The following KNTC1 variants were observed in gnomAD, a reference collection of about 807,000 sequenced individuals.
The protein encoded by KNTC1 is kinetochore associated 1.
A neutral mutation model predicts 314.4 loss-of-function variants in KNTC1; 253 were observed. The observed-to-expected ratio is 0.80, with a 90% CI of 0.73 to 0.89. The LOEUF (loss-of-function observed/expected upper bound fraction) is 0.89, where lower values mean the gene tolerates loss of function less well. Ranked by LOEUF, KNTC1 falls within the 40% of genes least tolerant of loss-of-function variation. KNTC1 has a pLI of 0.00. For synonymous variants in KNTC1, 901 were observed against 901.4 expected (o/e 1.00, Z 0.01); for missense variants, 2,475 against 2,572.9 (o/e 0.96, Z 0.82).
intron 1 of KNTC1, among the ~76,000 whole-genome samples, chr12:122,528,727 C>T (rs1463094969): frequency 1.3e-5 from 2 of 152,300 alleles, no homozygotes; most frequent in East Asian, 1.9e-4. Context: ...GAACATCTGC[C>T]TGTATACTTT....
At chr12:122,564,062 T>C (rs556216480) in intron 20 of KNTC1, among the ~76,000 whole-genome samples, 1 of 152,296 alleles carries the variant, frequency 6.6e-6, no homozygotes, top group Non-Finnish European at 1.5e-5. Flanking sequence ...ACTGCAACCT[T>C]TGCCTCTCAG....
At chr12:122,581,217 A>C (rs1395580056) in intron 33 of KNTC1, among the ~76,000 whole-genome samples, 1 of 103,936 alleles carries the variant, frequency 9.6e-6, no homozygotes, top group African/African-American at 3.5e-5. Flanking sequence ...TTTTTTTTTG[A>C]GATGGAGTTT....
At chr12:122,591,949 G>A (rs1015617391) in intron 42 of KNTC1, among the ~76,000 whole-genome samples, 24 of 152,220 alleles carry the variant, frequency 1.6e-4, no homozygotes, top group Non-Finnish European at 3.1e-4. Flanking sequence ...TCGGCCTGCC[G>A]CTGCACTGTG....
In KNTC1 at chr12:122,542,053, C is replaced by A; in HGVS notation, c.449C>A (p.Thr150Asn). The change falls in exon 6 of 64, where the codon ACC (threonine) becomes AAC (asparagine). Residue 150 changes from threonine to asparagine, a missense_variant. Physicochemically the swap from Thr to Asn is moderately conservative, Grantham distance 65 (BLOSUM62 0). Transcript: ENST00000333479. ...VIEKDGSNEG[T>N]YYMLLLTYSG... ...GATTCTGATTTTATTTCAATAGGTA[C>A]CTATTATATGCTACTTCTTACATAC... 6.6e-7 allele frequency: 1 copy of A among 1,523,730 alleles called. No individual in the cohort carries two copies. The highest frequency in any genetic ancestry group is 1.2e-5 in the South Asian group (1 of 80,710). 94.4% of individuals were successfully genotyped at this position (1,523,730 alleles called of 1,614,324 possible). A position where few individuals can be genotyped will look rare whatever the true frequency, so the allele number is the denominator to read the frequency against.
intron 21 of KNTC1, among the ~76,000 whole-genome samples, chr12:122,568,901 A>G (rs1169069817): frequency 1.3e-5 from 2 of 152,234 alleles, no homozygotes; most frequent in East Asian, 1.9e-4. Flanking sequence ...TTAAATCAGA[A>G]GAAGTACAGT....
chr12:122,531,410 C>T (rs1189676038), intron 2 of KNTC1, among the ~76,000 whole-genome samples: 5 of 152,156 alleles, frequency 3.3e-5, no homozygotes, highest in African/African-American at 1.2e-4. Context: ...GTTGCCCAGG[C>T]TGGTCTTGAA....
intron 2 of KNTC1, among the ~76,000 whole-genome samples, chr12:122,533,327 C>T (rs571721362): frequency 2.9e-4 from 44 of 152,152 alleles, no homozygotes; most frequent in African/African-American, 7.7e-4. Flanking sequence ...CCACCACGCC[C>T]GGCTAATTTT....
intron 44 of KNTC1, 107 bp downstream of exon 44, chr12:122,598,045 C>T: frequency 1.3e-6 from 1 of 775,144 alleles, no homozygotes; most frequent in South Asian, 1.8e-5. Context: ...TTTTTATCAA[C>T]TTTTAATTTG....
chr12:122,547,104 G>T (rs1962831234), intron 10 of KNTC1, among the ~76,000 whole-genome samples: 1 of 152,054 alleles, frequency 6.6e-6, no homozygotes, highest in Non-Finnish European at 1.5e-5. Context: ...AAAGTGCTGG[G>T]ATTACAGGTG....
chr12:122,559,666 G>A (rs1963847765), intron 18 of KNTC1, among the ~76,000 whole-genome samples: 1 of 151,780 alleles, frequency 6.6e-6, no homozygotes, highest in Admixed American at 6.6e-5. Context: ...TCCACCTCCT[G>A]GGTTCAAGTG....
intron 1 of KNTC1, among the ~76,000 whole-genome samples, chr12:122,528,704 G>C (rs1287336247): frequency 6.6e-6 from 1 of 152,192 alleles, no homozygotes; most frequent in African/African-American, 2.4e-5. Flanking sequence ...CATAGTATTT[G>C]CATGTAGCCT....
At chr12:122,582,119 G>A (rs181901000) in intron 33 of KNTC1, among the ~76,000 whole-genome samples, 123 of 152,276 alleles carry the variant, frequency 8.1e-4, no homozygotes, top group African/African-American at 2.7e-3. Context: ...AGCTTTCTCT[G>A]TGAAAACCAT....
chr12:122,574,284 T>C lies in KNTC1; in HGVS notation c.2286T>C (p.Asp762=). 1 of 1,587,304 alleles carries C rather than the reference T, an allele frequency of 6.3e-7. No homozygotes were observed. The highest frequency in any genetic ancestry group is 8.6e-7 in the Non-Finnish European group (1 of 1,163,740). ...EEELLLLYIE[D]LLNRCSSKST... The stretch of plus-strand genomic sequence containing the variant: ...CATACATGTTTATCCCTTTTTAGGA[T>C]TTACTGAATAGATGCAGCTCAAAGT... The change falls in exon 27 of 64, where the codon GAT becomes GAC. Residue 762 remains aspartate (D), a splice_region_variant and synonymous_variant. Coordinates refer to ENST00000333479, the MANE Select transcript of KNTC1 (RefSeq NM_014708.6).
chr12:122,546,355 A>AT, intron 9 of KNTC1, 86 bp downstream of exon 9: 1 of 801,480 alleles, frequency 1.2e-6, no homozygotes, highest in Non-Finnish European at 2.1e-6. Context: ...CATATGGGTC[A>AT]TTTTACCCTA....
At chr12:122,625,108 A>G (rs1337848397) in intron 63 of KNTC1, among the ~76,000 whole-genome samples, 1 of 152,052 alleles carries the variant, frequency 6.6e-6, no homozygotes, top group African/African-American at 2.4e-5. Context: ...TTCACTGCAG[A>G]AAAAAAAGAA....
Position 122,586,685 on chromosome 12 carries a change from T to C in KNTC1, c.3674-16T>C. 1.4e-6 allele frequency: 2 copies of C among 1,393,414 alleles called. No individual in the cohort carries two copies. The highest frequency in any genetic ancestry group is 1.9e-6 in the Non-Finnish European group (2 of 1,036,834). 86.3% of individuals were successfully genotyped at this position (1,393,414 alleles called of 1,614,324 possible). On this transcript the variant is annotated splice_polypyrimidine_tract_variant and intron_variant, in intron 37 of 63. Transcript: ENST00000333479. Reference sequence around the variant, plus strand: ...CATCTATTTAGTGTTGTTTAATGTTTTATTATCTTTTGTAGAAAGCAAGAG... The same window carrying C: ...CATCTATTTAGTGTTGTTTAATGTTCTATTATCTTTTGTAGAAAGCAAGAG...
At chr12:122,545,798 T>TA (rs1247972369) in intron 8 of KNTC1, among the ~76,000 whole-genome samples, 1 of 151,678 alleles carries the variant, frequency 6.6e-6, no homozygotes, top group African/African-American at 2.4e-5. Context: ...CAACAAATAG[T>TA]AAATTAGCCG....
intron 59 of KNTC1, 109 bp downstream of exon 59, chr12:122,618,654 A>G (rs1466400615): frequency 2.4e-6 from 2 of 838,312 alleles, no homozygotes; most frequent in African/African-American, 3.4e-5. Context: ...GAAGTTAAGC[A>G]TAACACGTGT....
intron 2 of KNTC1, among the ~76,000 whole-genome samples, 173 bp downstream of exon 2, chr12:122,530,365 G>T (rs945519957): frequency 1.3e-5 from 2 of 151,864 alleles, no homozygotes; most frequent in Non-Finnish European, 1.5e-5. Context: ...ATCATGTCAG[G>T]ATCAGTATTT....
Sources: gnomAD v4.1 joint callset for allele counts (sites outside exome capture counted in the v4.1 genomes callset) on GRCh38, gnomAD v4.1.1 for gene constraint, MANE v1.5 for transcripts, NCBI Gene and HGNC (gene_info 2026-07-23, HGNC 2026-07-21) for gene names.